CSMD1: variants seen among roughly 807,000 people sequenced by gnomAD.
CSMD1 encodes CUB and sushi domain-containing protein 1.
CSMD1 carries 213 observed loss-of-function variants against 417.5 expected under a neutral mutation model. The ratio of observed to expected loss-of-function variants is 0.51; its 90% CI spans 0.46 to 0.57. The LOEUF is 0.57. Among genes scored for constraint, CSMD1 ranks in the 20% least tolerant of loss-of-function variants. The pLI is 0.00. For missense variants in CSMD1, 6,923 were observed against 4,529.7 expected, an observed-to-expected ratio of 1.53 and a Z score of -15.17; for synonymous variants, 2,862 against 1,736.8, an observed-to-expected ratio of 1.65 and a Z score of -16.11.
intron 49 of CSMD1, among the ~76,000 whole-genome samples, chr8:3,056,611 C>G (rs747547233): frequency 5.3e-5 from 8 of 152,090 alleles, no homozygotes; most frequent in Non-Finnish European, 8.8e-5. Context: ...CTCAAGCCAT[C>G]CTCCTGCCTC....
At chr8:3,455,053 T>A (rs570217221) in intron 12 of CSMD1, among the ~76,000 whole-genome samples, 1 of 152,360 alleles carries the variant, frequency 6.6e-6, no homozygotes, top group Admixed American at 6.5e-5. Context: ...TCGCTTCATT[T>A]CATTCATTTG....
chr8:4,439,919 G>A (rs1382210912), intron 2 of CSMD1, among the ~76,000 whole-genome samples: 2 of 152,142 alleles, frequency 1.3e-5, no homozygotes, highest in East Asian at 1.9e-4. Context: ...AGCTTAATAA[G>A]GAGTAATAAT....
intron 3 of CSMD1, among the ~76,000 whole-genome samples, chr8:4,091,521 T>A (rs373711506): frequency 6.6e-6 from 1 of 152,248 alleles, no homozygotes; most frequent in African/African-American, 2.4e-5. Flanking sequence ...AAGATAATTA[T>A]GTTAAAGCTG....
chr8:4,390,881 T>C (rs1803805089), intron 3 of CSMD1, among the ~76,000 whole-genome samples: 1 of 152,152 alleles, frequency 6.6e-6, no homozygotes, highest in South Asian at 2.1e-4. Flanking sequence ...ATGTTTCATA[T>C]GTTGTCCTTA....
chr8:3,978,674 C>G (rs898601904), intron 5 of CSMD1, among the ~76,000 whole-genome samples: 1 of 152,124 alleles, frequency 6.6e-6, no homozygotes, highest in African/African-American at 2.4e-5. Flanking sequence ...GAAATTACTC[C>G]TGCCCAACCC....
chr8:3,909,933 G>A (rs888454416), intron 5 of CSMD1, among the ~76,000 whole-genome samples: 1 of 151,998 alleles, frequency 6.6e-6, no homozygotes, highest in Non-Finnish European at 1.5e-5. Flanking sequence ...AATTAGACAA[G>A]GAAGAAAAAA....
At chr8:4,986,610 T>A (rs1049718226) in intron 1 of CSMD1, among the ~76,000 whole-genome samples, 2 of 152,036 alleles carry the variant, frequency 1.3e-5, no homozygotes, top group African/African-American at 4.8e-5. Context: ...AAAAAAATAA[T>A]TCACTCGAAC....
Position 4,651,535 on chromosome 8 carries a change from A to G in CSMD1, c.86-13977T>C, listed in dbSNP as rs567360934. ...AAAATAAAGTTTACTGGTTTCTCTAATCAGAGTCATAATTTACTATTTTAC... is the reference window on the plus strand; with the variant it reads ...AAAATAAAGTTTACTGGTTTCTCTAGTCAGAGTCATAATTTACTATTTTAC... On this transcript the variant is annotated intron_variant, in intron 1 of 69. Transcript: ENST00000635120. Among the ~76,000 whole-genome samples, 27 of 152,276 alleles carry G rather than the reference A, an allele frequency of 1.8e-4. No homozygotes were observed. In the South Asian group the frequency reaches 5.4e-3, roughly 30 times the overall value.
chr8:3,817,397 C>G (rs1459073725), intron 5 of CSMD1, among the ~76,000 whole-genome samples: 1 of 150,490 alleles, frequency 6.6e-6, no homozygotes, highest in Non-Finnish European at 1.5e-5. Flanking sequence ...TCTTCTGCCT[C>G]AACCTCCCAA....
At chr8:4,924,148 C>A (rs996740444) in intron 1 of CSMD1, among the ~76,000 whole-genome samples, 1 of 152,114 alleles carries the variant, frequency 6.6e-6, no homozygotes, top group African/African-American at 2.4e-5. Flanking sequence ...AACATCCAGA[C>A]ACTCGATGTT....
At chr8:3,466,715 C>T (rs762177557) in intron 12 of CSMD1, among the ~76,000 whole-genome samples, 2 of 151,818 alleles carry the variant, frequency 1.3e-5, no homozygotes, top group East Asian at 3.9e-4. Context: ...AGGTGTCAGC[C>T]CCCCTGCCCG....
intron 2 of CSMD1, among the ~76,000 whole-genome samples, chr8:4,518,839 T>G (rs1443726418): frequency 6.6e-6 from 1 of 152,048 alleles, no homozygotes; most frequent in Non-Finnish European, 1.5e-5. Flanking sequence ...TTATAGGAGA[T>G]TATTCGGCAT....
intron 3 of CSMD1, among the ~76,000 whole-genome samples, chr8:4,232,608 T>C (rs1251553886): frequency 1.3e-5 from 2 of 152,340 alleles, no homozygotes; most frequent in African/African-American, 4.8e-5. Flanking sequence ...CACAGTGTCA[T>C]GTCTTGCTGC....
At chr8:3,142,375 G>T in intron 41 of CSMD1, 90 bp downstream of exon 41, 1 of 1,142,594 alleles carries the variant, frequency 8.8e-7, no homozygotes, top group Non-Finnish European at 1.3e-6. Flanking sequence ...TACAAGCTTG[G>T]AACCAGTTAG....
chr8:4,412,974 A>G (rs1314487004), intron 3 of CSMD1, among the ~76,000 whole-genome samples: 1 of 152,230 alleles, frequency 6.6e-6, no homozygotes, highest in Non-Finnish European at 1.5e-5. Context: ...GACAGAAGCC[A>G]TCTTTATCTT....
intron 1 of CSMD1, among the ~76,000 whole-genome samples, chr8:4,887,561 G>A (rs1803834544): frequency 6.6e-6 from 1 of 151,864 alleles, no homozygotes. Context: ...ACGAAAGTGG[G>A]ATATTGAAGT....
intron 10 of CSMD1, among the ~76,000 whole-genome samples, chr8:3,512,659 G>A (rs1797125943): frequency 6.7e-6 from 1 of 149,408 alleles, no homozygotes; most frequent in Non-Finnish European, 1.5e-5. Flanking sequence ...GGAGTGCACT[G>A]GCATGATGAC....
intron 6 of CSMD1, among the ~76,000 whole-genome samples, chr8:3,746,291 T>C (rs911339711): frequency 6.6e-6 from 1 of 152,232 alleles, no homozygotes; most frequent in African/African-American, 2.4e-5. Flanking sequence ...ATAACCTACC[T>C]GAACTTTATT....
intron 6 of CSMD1, among the ~76,000 whole-genome samples, chr8:3,714,902 G>C (rs191465428): frequency 1.3e-3 from 191 of 152,134 alleles, no homozygotes; most frequent in African/African-American, 4.3e-3. Context: ...AACACACCTG[G>C]AGAAATCTCA....
Sources: gnomAD v4.1 joint callset for allele counts (sites outside exome capture counted in the v4.1 genomes callset) on GRCh38, gnomAD v4.1.1 for gene constraint, MANE v1.5 for transcripts, NCBI Gene and HGNC (gene_info 2026-07-23, HGNC 2026-07-21) for gene names.